Variants in LIPA observed in about 807,000 individuals in gnomAD.
LIPA encodes lipase A, lysosomal acid type.
In LIPA, 26 loss-of-function variants were observed where a neutral mutation model predicts 40.6. That is an observed-to-expected ratio of 0.64 (90% CI 0.47 to 0.89). LIPA has a LOEUF of 0.89. Ranked by LOEUF, LIPA falls within the 40% of genes least tolerant of loss-of-function variation. LIPA has a pLI of 0.00. For synonymous variants in LIPA, 188 were observed against 168.4 expected (o/e 1.12, Z -0.90); for missense variants, 455 against 479.6 (o/e 0.95, Z 0.48).
At chr10:89,305,958 A>G (rs761435885) in intron 1 of LIPA, 6 of 1,599,870 alleles carry the variant, frequency 3.8e-6, no homozygotes, top group East Asian at 4.5e-5. Context: ...GTTTTTCCCT[A>G]CAGTGAGAAC....
intron 1 of LIPA, among the ~76,000 whole-genome samples, chr10:89,414,127 C>T (rs1477786210): frequency 6.6e-6 from 1 of 152,140 alleles, no homozygotes; most frequent in Non-Finnish European, 1.5e-5. Context: ...TGGCAATATC[C>T]GTCAAAACTT....
chr10:89,213,939 AC>A lies in LIPA; in HGVS notation c.*888del, dbSNP rs1842584627. Reference sequence around the variant, plus strand: ...TGAACAAGGACACTTCTCATGGGCAACCACGGGGCTTTGGCTTCACACAGAT... The same window carrying A: ...TGAACAAGGACACTTCTCATGGGCAACACGGGGCTTTGGCTTCACACAGAT... On this transcript the variant is annotated 3_prime_UTR_variant, in exon 10 of 10. Transcript: ENST00000336233. 1.3e-5 allele frequency: 2 copies of A among 152,218 alleles called. No individual in the cohort carries two copies. The highest frequency in any genetic ancestry group is 4.8e-5 in the African/African-American group (2 of 41,452). 9.4% of individuals were successfully genotyped at this position (152,218 alleles called of 1,614,324 possible).
intron 1 of LIPA, chr10:89,307,190 A>G (rs1330372673): frequency 6.2e-7 from 1 of 1,614,104 alleles, no homozygotes; most frequent in Admixed American, 1.7e-5. Context: ...AGAAAAGATG[A>G]AAGACAAACT....
chr10:89,366,009 G>A (rs1844054264), intron 2 of LIPA, among the ~76,000 whole-genome samples: 1 of 152,274 alleles, frequency 6.6e-6, no homozygotes, highest in South Asian at 2.1e-4. Flanking sequence ...TAGCTTGATG[G>A]GGATGGCATT....
chr10:89,223,714 C>G lies in LIPA; in HGVS notation c.792G>C (p.Leu264=), dbSNP rs780855549. ...KELCGNLCFL[L]CGFNERNLNM... ...TTAAATTTCTCTCATTAAATCCACA[C>G]AGAAGAAAACAGAGATTTCCACAGA... The change falls in exon 7 of 10, where the codon CTG becomes CTC. Residue 264 remains leucine (L), a synonymous_variant. Transcript: ENST00000336233. 6.2e-7 allele frequency: 1 copy of G among 1,613,128 alleles called. No homozygotes were observed. Among genetic ancestry groups the G allele is most frequent in the Non-Finnish European group, 8.5e-7 (1 of 1,179,152 alleles).
intron 1 of LIPA, among the ~76,000 whole-genome samples, chr10:89,319,267 C>T (rs1843558083): frequency 6.6e-6 from 1 of 152,088 alleles, no homozygotes; most frequent in Non-Finnish European, 1.5e-5. Flanking sequence ...ATCAATGAAT[C>T]CAGGAACTGA....
chr10:89,356,283 C>T (rs888562244), intron 2 of LIPA, among the ~76,000 whole-genome samples: 1 of 152,230 alleles, frequency 6.6e-6, no homozygotes, highest in Non-Finnish European at 1.5e-5. Flanking sequence ...CTTCCAGCAC[C>T]TCAATGTGTT....
At chr10:89,402,220 CT>C (rs1391389884) in intron 2 of LIPA, 1 of 1,070,202 alleles carries the variant, frequency 9.3e-7, no homozygotes, top group South Asian at 1.5e-5. Flanking sequence ...GGTATTTTAT[CT>C]GACTTTTTTC....
chr10:89,342,906 C>G (rs1843885370), upstream of LIPA, among the ~76,000 whole-genome samples: 1 of 152,106 alleles, frequency 6.6e-6, no homozygotes, highest in Non-Finnish European at 1.5e-5. Flanking sequence ...CTTTTGTTTT[C>G]CTTGGATTGG....
intron 8 of LIPA, among the ~76,000 whole-genome samples, chr10:89,221,243 G>A (rs536239048): frequency 1.3e-5 from 2 of 151,674 alleles, no homozygotes; most frequent in African/African-American, 2.4e-5. Context: ...ATAATAAAAC[G>A]ACTCGGGAGG....
At chr10:89,328,054 CAG>C (rs773444021) in intron 1 of LIPA, 3 of 1,613,834 alleles carry the variant, frequency 1.9e-6, no homozygotes, top group Admixed American at 3.3e-5. Context: ...TTCGGAACAG[CAG>C]AGACACAGAG....
At chr10:89,251,321 G>A (rs1487018267) in intron 1 of LIPA, among the ~76,000 whole-genome samples, 1 of 152,164 alleles carries the variant, frequency 6.6e-6, no homozygotes, top group Non-Finnish European at 1.5e-5. Flanking sequence ...GTCTGCTTTC[G>A]ACCACGCCGT....
rs565296927 is a variant in LIPA, at chr10:89,387,317, CAAAAA to C, written c.61+25469_61+25473del. On this transcript the variant is annotated intron_variant, in intron 2 of 8. Coordinates refer to the LIPA transcript ENST00000371837. ...TGGGTGACAGAGCAAGACTCCGTCTCAAAAAAAAAAAAAAAAAAATCTATTTTAAC... is the reference window on the plus strand; with the variant it reads ...TGGGTGACAGAGCAAGACTCCGTCTCAAAAAAAAAAAAAATCTATTTTAAC... 3.5e-4 allele frequency among the ~76,000 whole-genome samples: 29 copies of C among 83,636 alleles called. No individual in the cohort carries two copies. The South Asian group carries it at 0.01, about 30-fold the overall frequency. 54.9% of individuals were successfully genotyped at this position (83,636 alleles called of 152,430 possible). A position where few individuals can be genotyped will look rare whatever the true frequency, so the allele number is the denominator to read the frequency against.
At chr10:89,300,493 C>T (rs1843438472) in intron 1 of LIPA, among the ~76,000 whole-genome samples, 1 of 152,102 alleles carries the variant, frequency 6.6e-6, no homozygotes, top group East Asian at 1.9e-4. Context: ...GATCATTAAA[C>T]ATTCTTTGCA....
chr10:89,261,210 C>T (rs1158753184), intron 1 of LIPA, among the ~76,000 whole-genome samples: 1 of 152,156 alleles, frequency 6.6e-6, no homozygotes, highest in Non-Finnish European at 1.5e-5. Context: ...AGCCAGAGGC[C>T]CTCAGATATG....
At chr10:89,390,022 C>T (rs1470518558) in intron 2 of LIPA, among the ~76,000 whole-genome samples, 4 of 141,084 alleles carry the variant, frequency 2.8e-5, no homozygotes, top group Non-Finnish European at 6.1e-5. Context: ...ACTCTTGTTG[C>T]CCAGGCTGGA....
intron 1 of LIPA, among the ~76,000 whole-genome samples, chr10:89,263,482 A>G (rs187612723): frequency 1.1e-3 from 164 of 152,288 alleles, no homozygotes; most frequent in African/African-American, 3.7e-3. Flanking sequence ...GATCCTTTCT[A>G]TTTGCCATGG....
At chr10:89,239,407 C>G (rs1842940713) in intron 3 of LIPA, among the ~76,000 whole-genome samples, 1 of 152,202 alleles carries the variant, frequency 6.6e-6, no homozygotes, top group African/African-American at 2.4e-5. Context: ...TTCTTACACC[C>G]TAGAATTGTA....
intron 2 of LIPA, among the ~76,000 whole-genome samples, chr10:89,247,288 C>T (rs886509699): frequency 2.7e-5 from 4 of 146,962 alleles, no homozygotes; most frequent in Non-Finnish European, 5.9e-5. Flanking sequence ...TCGAGAATCA[C>T]TTGAGCCCCT....
Sources: allele counts gnomAD v4.1 joint callset (sites outside exome capture counted in the v4.1 genomes callset), GRCh38; gene constraint gnomAD v4.1.1; transcripts MANE v1.5; gene names NCBI Gene and HGNC (gene_info 2026-07-23, HGNC 2026-07-21).